Variants in RGS3 observed in about 807,000 individuals in gnomAD.
RGS3 encodes regulator of G-protein signalling 3.
In RGS3, 80 loss-of-function variants were observed where a neutral mutation model predicts 132.6. That is an observed-to-expected ratio of 0.60 (90% confidence interval 0.50 to 0.73). The LOEUF (loss-of-function observed/expected upper bound fraction) is 0.73, where lower values mean the gene tolerates loss of function less well. Among genes scored for constraint, RGS3 ranks in the 30% least tolerant of loss-of-function variants. The pLI is 0.00. For missense variants in RGS3, 1,382 were observed against 1,530.8 expected, an observed-to-expected ratio of 0.90 and a Z score of 1.62; for synonymous variants, 598 against 620.6, an observed-to-expected ratio of 0.96 and a Z score of 0.54.
Position 113,479,309 on chromosome 9 carries a change from C to T in RGS3, c.416-182C>T, listed in dbSNP as rs561423497. On this transcript the variant is annotated intron_variant, in intron 3 of 24. Coordinates refer to ENST00000350696, the Ensembl canonical transcript of RGS3. ...CTGCTGGAGGCATTCGAAAGGGACT[C>T]CCGATGTGGTGGGCGGGGCTGAACC... 105 of 674,408 alleles carry T rather than the reference C, an allele frequency of 1.6e-4. No individual in the cohort carries two copies. The African/African-American group carries it at 1.6e-3, about 11-fold the overall frequency. The allele number at this position is 674,408 out of a possible 1,614,324, so 41.8% of individuals were successfully genotyped here.
chr9:113,530,538 G>C (rs1832420392), intron 18 of RGS3, among the ~76,000 whole-genome samples: 1 of 152,218 alleles, frequency 6.6e-6, no homozygotes, highest in Non-Finnish European at 1.5e-5. Flanking sequence ...ACCAGGCTAG[G>C]CTCTTCCTCC....
chr9:113,457,758 A>G (rs1049787374), upstream of RGS3, among the ~76,000 whole-genome samples: 1 of 152,224 alleles, frequency 6.6e-6, no homozygotes, highest in African/African-American at 2.4e-5. Flanking sequence ...GAACTTTCTG[A>G]AAGCAAATGG....
chr9:113,517,049 A>G (rs1831706970), intron 15 of RGS3, among the ~76,000 whole-genome samples: 1 of 152,180 alleles, frequency 6.6e-6, no homozygotes, highest in Non-Finnish European at 1.5e-5. Flanking sequence ...ATTGCCTGAG[A>G]AGGAGACAGT....
At chr9:113,571,913 T>C (rs1834308829) in intron 19 of RGS3, among the ~76,000 whole-genome samples, 1 of 152,226 alleles carries the variant, frequency 6.6e-6, no homozygotes, top group Non-Finnish European at 1.5e-5. Context: ...TCATTTTCTC[T>C]GGATAAATAT....
chr9:113,491,845 C>T (rs984683985), intron 7 of RGS3, among the ~76,000 whole-genome samples: 4 of 152,232 alleles, frequency 2.6e-5, no homozygotes, highest in South Asian at 2.1e-4. Flanking sequence ...TGAGCCACTG[C>T]GCCCAGCCAG....
chr9:113,584,664 T>G (rs561544278), intron 20 of RGS3, among the ~76,000 whole-genome samples: 155 of 152,342 alleles, frequency 1.0e-3, no homozygotes, highest in South Asian at 3.5e-3. Context: ...ATAGCTCCAC[T>G]GGTCCCCACA....
intron 21 of RGS3, chr9:113,593,581 C>T (rs568460820): frequency 1.3e-3 from 356 of 284,134 alleles, no homozygotes; most frequent in Non-Finnish European, 1.9e-3. Context: ...ATGTTGGGGT[C>T]CTGCTGTATA....
upstream of RGS3, chr9:113,460,229 A>T: frequency 8.2e-7 from 1 of 1,221,218 alleles, no homozygotes; most frequent in South Asian, 1.3e-5. Flanking sequence ...TCCTTTTAAA[A>T]TTTTCTCCTG....
In RGS3 at chr9:113,463,973, G is replaced by A; in HGVS notation, c.415+1772G>A. 2 of 1,378,814 alleles carry A rather than the reference G, an allele frequency of 1.5e-6. No homozygotes were observed. The highest frequency in any genetic ancestry group is 4.8e-5 in the East Asian group (2 of 41,736). 85.4% of individuals were successfully genotyped at this position (1,378,814 alleles called of 1,614,324 possible). On this transcript the variant is annotated intron_variant, in intron 3 of 24. Transcript: ENST00000350696. The surrounding 1 kb of genome is among the most constrained non-coding windows in gnomAD (Gnocchi z 4.6). ...CCCTCGTGGTGACAGGGGAGGCTGG[G>A]AGCAGGTGCTCTTTCTATCTAGGGG...
Position 113,591,782 on chromosome 9 carries a change from C to G in RGS3, c.3080+385C>G, listed in dbSNP as rs1782050998. 2 of 199,832 alleles carry G rather than the reference C, an allele frequency of 1.0e-5. No individual in the cohort carries two copies. Among genetic ancestry groups the G allele is most frequent in the East Asian group, 1.1e-4 (1 of 8,970 alleles). The allele number at this position is 199,832 out of a possible 1,614,324, so 12.4% of individuals were successfully genotyped here. Reference sequence around the variant, plus strand: ...GGGTGGAACTGACAGTCATTGGCTCCTCTTTCTCTTCCTGAGCTCCTGAAT... The same window carrying G: ...GGGTGGAACTGACAGTCATTGGCTCGTCTTTCTCTTCCTGAGCTCCTGAAT... On this transcript the variant is annotated intron_variant, in intron 21 of 24. Transcript: ENST00000350696. The surrounding 1 kb of genome is among the most constrained non-coding windows in gnomAD (Gnocchi z 4.4).
intron 20 of RGS3, among the ~76,000 whole-genome samples, chr9:113,587,538 G>T (rs1416776777): frequency 6.6e-6 from 1 of 152,220 alleles, no homozygotes; most frequent in Non-Finnish European, 1.5e-5. Context: ...TTGTCCCAAG[G>T]GTTCCAGGGC....
rs566707422 is a variant in RGS3, at chr9:113,527,679, C to T, written c.1871-1542C>T. 1.4e-4 allele frequency among the ~76,000 whole-genome samples: 21 copies of T among 152,306 alleles called. No homozygotes were observed. The South Asian group carries it at 4.1e-3, about 30-fold the overall frequency. ...TAGGGATAGCTTTGTCTCAGAACTG[C>T]CCATATACCTTGCTTCGAGGGGGCC... On this transcript the variant is annotated intron_variant, in intron 17 of 24. Coordinates refer to ENST00000350696, the Ensembl canonical transcript of RGS3.
chr9:113,463,635 T>G lies in RGS3; in HGVS notation c.415+1434T>G. 6 of 1,139,966 alleles carry G rather than the reference T, an allele frequency of 5.3e-6. No individual in the cohort carries two copies. The highest frequency in any genetic ancestry group is 6.7e-6 in the Non-Finnish European group (6 of 900,132). 70.6% of individuals were successfully genotyped at this position (1,139,966 alleles called of 1,614,324 possible). A position where few individuals can be genotyped will look rare whatever the true frequency, so the allele number is the denominator to read the frequency against. On this transcript the variant is annotated intron_variant, in intron 3 of 24. Transcript: ENST00000350696. This position sits in a 1 kb window ranked among gnomAD's most constrained non-coding sequence, Gnocchi z 4.6. ...CTCCGGCAGGTGGAACTCTCCCCAT[T>G]CAAACCCGCGCGGGCCAATCAGGGC...
intron 19 of RGS3, chr9:113,541,773 A>G: frequency 9.9e-7 from 1 of 1,012,566 alleles, no homozygotes; most frequent in Non-Finnish European, 1.2e-6. Context: ...AGGTTGGGAG[A>G]GGTCACCCTG....
chr9:113,516,347 TTTTC>T (rs1456024710), intron 15 of RGS3, among the ~76,000 whole-genome samples: 1 of 152,012 alleles, frequency 6.6e-6, no homozygotes, highest in Non-Finnish European at 1.5e-5. Context: ...CAATGTCTAA[TTTTC>T]TTTCTTTTTC....
intron 3 of RGS3, among the ~76,000 whole-genome samples, chr9:113,472,912 A>C (rs568444913): frequency 3.9e-5 from 6 of 152,194 alleles, no homozygotes; most frequent in African/African-American, 1.2e-4. Context: ...TGGGTGGTGC[A>C]TGCCTGTAAT....
At chr9:113,592,719 C>T (rs1170915132) in intron 21 of RGS3, 1 of 152,246 alleles carries the variant, frequency 6.6e-6, no homozygotes, top group East Asian at 1.9e-4. Flanking sequence ...AACTCCTGGC[C>T]TCAAGTGATC....
intron 1 of RGS3, among the ~76,000 whole-genome samples, chr9:113,447,724 C>T (rs997712941): frequency 2.6e-5 from 4 of 151,910 alleles, no homozygotes; most frequent in Non-Finnish European, 5.9e-5. Context: ...CATCTGAATT[C>T]GGTTAATTAG....
intron 20 of RGS3, 98 bp downstream of exon 18, chr9:113,584,525 A>G: frequency 7.6e-7 from 1 of 1,317,644 alleles, no homozygotes; most frequent in Non-Finnish European, 1.0e-6. Context: ...TTCCACCCCC[A>G]CTATCCTGGC....
Sources: allele counts gnomAD v4.1 joint callset (sites outside exome capture counted in the v4.1 genomes callset), GRCh38; gene constraint gnomAD v4.1.1; non-coding constraint Gnocchi (gnomAD v3.1); transcripts MANE v1.5; gene names NCBI Gene and HGNC (gene_info 2026-07-23, HGNC 2026-07-21).